Variants in ADCY10 observed in about 807,000 individuals in gnomAD.
ADCY10 encodes adenylate cyclase type 10.
A neutral mutation model predicts 183.3 loss-of-function variants in ADCY10; 156 were observed. The ratio of observed to expected loss-of-function variants is 0.85; its 90% CI spans 0.75 to 0.97. ADCY10 has a LOEUF of 0.97. Ranked by LOEUF, ADCY10 falls within the 50% of genes least tolerant of loss-of-function variation. The probability of loss-of-function intolerance (pLI) is 0.00; values close to 1 mark genes in which losing one functional copy is unlikely to be tolerated. For missense variants in ADCY10, 1,745 were observed against 1,934.3 expected (o/e 0.90, Z 1.84); for synonymous variants, 645 against 670.0 (o/e 0.96, Z 0.58).
intron 7 of ADCY10, among the ~76,000 whole-genome samples, chr1:167,895,217 A>G (rs1031493427): frequency 4.6e-5 from 7 of 151,398 alleles, no homozygotes; most frequent in Admixed American, 1.3e-4. Flanking sequence ...TTGCAGTATT[A>G]TGGTGCTCAA....
chr1:167,829,316 G>A lies in ADCY10; in HGVS notation c.3701C>T (p.Ala1234Val). 6.2e-7 allele frequency: 1 copy of A among 1,614,088 alleles called. No homozygotes were observed. Among genetic ancestry groups the A allele is most frequent in the South Asian group, 1.1e-5 (1 of 91,078 alleles). Reference sequence around the variant, plus strand: ...TGCAGTATTCATTTGCATCATAACTGCCAGGTGGGCATAATACTTGCAGTG... The same window carrying A: ...TGCAGTATTCATTTGCATCATAACTACCAGGTGGGCATAATACTTGCAGTG... ...LFHCKYYAHL[A>V]VMMQMNTALE... The change falls in exon 26 of 33, where the codon GCA (alanine) becomes GTA (valine). Residue 1234 changes from alanine (A) to valine (V), a missense_variant. Ala to Val is a moderately conservative substitution (Grantham distance 64). Coordinates refer to ENST00000367851, the MANE Select transcript of ADCY10 (RefSeq NM_018417.6).
chr1:167,895,456 T>G (rs527987264), intron 7 of ADCY10, among the ~76,000 whole-genome samples: 1 of 152,170 alleles, frequency 6.6e-6, no homozygotes, highest in Admixed American at 6.5e-5. Context: ...TCTAAAATAC[T>G]CCAGACCTGT....
In ADCY10 at chr1:167,829,503, T is replaced by C. The variant is rs192255984; in HGVS notation, c.3594-80A>G. 35 of 1,525,252 alleles carry C rather than the reference T, an allele frequency of 2.3e-5. No homozygotes were observed. The African/African-American group carries it at 4.0e-4, about 17-fold the overall frequency. The allele number at this position is 1,525,252 out of a possible 1,614,324, so 94.5% of individuals were successfully genotyped here. Reference sequence around the variant, plus strand: ...TTTAGGGGAGCACAGGTACATGGTGTCCTCACTATGGGCCTGGGAATCAAA... The same window carrying C: ...TTTAGGGGAGCACAGGTACATGGTGCCCTCACTATGGGCCTGGGAATCAAA... On this transcript the variant is annotated intron_variant, in intron 25 of 32. Transcript: ENST00000367851.
intron 1 of ADCY10, among the ~76,000 whole-genome samples, chr1:167,910,848 C>T (rs1670104379): frequency 6.6e-6 from 1 of 152,140 alleles, no homozygotes; most frequent in Non-Finnish European, 1.5e-5. Context: ...AGCTACCAAG[C>T]TTGTAAGATT....
intron 8 of ADCY10, among the ~76,000 whole-genome samples, chr1:167,887,267 T>A (rs1398370070): frequency 6.6e-6 from 1 of 152,188 alleles, no homozygotes; most frequent in African/African-American, 2.4e-5. Context: ...TGTGGCACTA[T>A]TCACAATAGC....
intron 6 of ADCY10, among the ~76,000 whole-genome samples, chr1:167,897,280 G>A (rs1669044424): frequency 6.7e-6 from 1 of 149,830 alleles, no homozygotes. Flanking sequence ...GAGCTCAGGA[G>A]TTCGAGACCA....
chr1:167,835,643 C>T (rs1356661847), intron 23 of ADCY10, among the ~76,000 whole-genome samples: 1 of 152,128 alleles, frequency 6.6e-6, no homozygotes, highest in African/African-American at 2.4e-5. Context: ...AATCCTAGCA[C>T]TTTGGAAGGC....
At chr1:167,913,242 T>C (rs766413656) in intron 1 of ADCY10, among the ~76,000 whole-genome samples, 26 of 152,146 alleles carry the variant, frequency 1.7e-4, no homozygotes, top group Non-Finnish European at 3.5e-4. Context: ...GATTCCTGAA[T>C]GCGGAGTGTG....
At chr1:167,847,002 T>A (rs71632329) in intron 19 of ADCY10, among the ~76,000 whole-genome samples, 13,495 of 151,878 alleles carry the variant, frequency 0.089, 755 homozygotes, top group Middle Eastern at 0.13. Context: ...CTCGGCTCAC[T>A]GCAACCTCCG....
chr1:167,840,028 T>G (rs578092802), intron 21 of ADCY10, among the ~76,000 whole-genome samples: 2 of 150,126 alleles, frequency 1.3e-5, no homozygotes, highest in East Asian at 2.0e-4. Context: ...GAGACTAGCT[T>G]GGGCAACATG....
At chr1:167,825,337 T>A (rs79463170) in intron 26 of ADCY10, among the ~76,000 whole-genome samples, 6 of 145,406 alleles carry the variant, frequency 4.1e-5, no homozygotes, top group Non-Finnish European at 6.1e-5. Flanking sequence ...TTTTTTTTTT[T>A]AAATAAGGAC....
intron 8 of ADCY10, among the ~76,000 whole-genome samples, chr1:167,887,728 A>G (rs1402832117): frequency 6.6e-6 from 1 of 151,686 alleles, no homozygotes; most frequent in Admixed American, 6.6e-5. Context: ...AAAATAAAAG[A>G]TTAAAAAAAC....
At position 167,824,387 on chromosome 1, in the gene ADCY10, C is replaced by T. The variant is rs1663122099; in HGVS notation, c.4052+89G>A. 1.0e-5 allele frequency: 11 copies of T among 1,076,662 alleles called. No homozygotes were observed. In the South Asian group the frequency reaches 1.4e-4, roughly 14 times the overall value. 66.7% of individuals were successfully genotyped at this position (1,076,662 alleles called of 1,614,324 possible). On this transcript the variant is annotated intron_variant, in intron 28 of 32. Coordinates refer to ENST00000367851, the MANE Select transcript of ADCY10 (RefSeq NM_018417.6). ...TTACTGCAAACTCTACTCCCTTCCC[C>T]ACCCTAGGACTAGGCTAAAGTTGAA...
chr1:167,835,701 C>T (rs1664142374), intron 23 of ADCY10, among the ~76,000 whole-genome samples: 2 of 152,098 alleles, frequency 1.3e-5, no homozygotes, highest in Admixed American at 6.6e-5. Context: ...CCAGCCTGGG[C>T]AACATAGTGT....
At chr1:167,853,171 C>A (rs780848425) in intron 18 of ADCY10, among the ~76,000 whole-genome samples, 4 of 152,038 alleles carry the variant, frequency 2.6e-5, no homozygotes, top group African/African-American at 4.8e-5. Flanking sequence ...TTTTGACCCT[C>A]TAGGTTTAGT....
rs2071921 is a variant in ADCY10, at chr1:167,856,247, T to C, written c.2089A>G (p.Ile697Val). The C allele has an allele frequency of 0.43, 690,497 of 1,613,442 alleles. 152,003 individuals carry two copies. Among genetic ancestry groups the C allele is most frequent in the East Asian group, 0.72 (32,288 of 44,860 alleles). ...ATGTCGTTAGGCTGTACTGCACCAA[T>C]GACAATGTAGGTGGTGTTCCTGTTC... ...IKNRNTTYIV[I>V]GAVQPNDISN... The change falls in exon 17 of 33, where the codon ATT (isoleucine) becomes GTT (valine). Residue 697 changes from isoleucine to valine, a missense_variant. By Grantham distance (29) the Ile-to-Val change is conservative. Coordinates refer to ENST00000367851, the MANE Select transcript of ADCY10 (RefSeq NM_018417.6).
intron 31 of ADCY10, among the ~76,000 whole-genome samples, chr1:167,813,294 T>G (rs776764795): frequency 1.3e-5 from 2 of 151,994 alleles, no homozygotes; most frequent in African/African-American, 4.8e-5. Context: ...AATAAGATCA[T>G]GAGCAGATTT....
At chr1:167,859,382 A>G (rs556652632) in intron 16 of ADCY10, among the ~76,000 whole-genome samples, 1 of 152,318 alleles carries the variant, frequency 6.6e-6, no homozygotes, top group East Asian at 1.9e-4. Flanking sequence ...TGAGCTACGT[A>G]CTATTATTTT....
rs1306191623 is a variant in ADCY10 at position 167,878,730 on chromosome 1, T to C, written c.1217-95A>G. 4 of 1,249,050 alleles carry C rather than the reference T, an allele frequency of 3.2e-6. No individual in the cohort carries two copies. The Admixed American group carries it at 5.7e-5, about 18-fold the overall frequency. The allele number at this position is 1,249,050 out of a possible 1,614,324, so 77.4% of individuals were successfully genotyped here. ...TTGTCCCCAAATAGCATTTTTACCC[T>C]TTACTCCCTTTGCTGTTCATGAGTG... On this transcript the variant is annotated intron_variant, in intron 11 of 32. Coordinates refer to ENST00000367851, the MANE Select transcript of ADCY10 (RefSeq NM_018417.6).
Sources: allele counts gnomAD v4.1 joint callset (sites outside exome capture counted in the v4.1 genomes callset), GRCh38; gene constraint gnomAD v4.1.1; transcripts MANE v1.5; gene names NCBI Gene and HGNC (gene_info 2026-07-23, HGNC 2026-07-21).